The following FAT3 variants were observed in gnomAD, a reference collection of about 807,000 sequenced individuals.
The protein encoded by FAT3 is protocadherin Fat 3.
In FAT3, 95 loss-of-function variants were observed where a neutral mutation model predicts 310.2. That is an observed-to-expected ratio of 0.31 (90% CI 0.26 to 0.36). FAT3 has a LOEUF of 0.36. Among genes scored for constraint, FAT3 ranks in the 10% least tolerant of loss-of-function variants. The probability of loss-of-function intolerance (pLI) is 1.00; values close to 1 mark genes in which losing one functional copy is unlikely to be tolerated. For synonymous variants in FAT3, 2,314 were observed against 2,192.9 expected (o/e 1.06, Z -1.54); for missense variants, 5,408 against 5,715.6 (o/e 0.95, Z 1.74).
intron 4 of FAT3, among the ~76,000 whole-genome samples, chr11:92,737,537 C>CTG (rs1266802127): frequency 6.6e-6 from 1 of 151,286 alleles, no homozygotes; most frequent in East Asian, 1.9e-4. Flanking sequence ...GTGTGTGTGT[C>CTG]TGTGTGTGTG....
At chr11:92,465,144 A>C (rs1182858121) in intron 2 of FAT3, among the ~76,000 whole-genome samples, 1 of 152,146 alleles carries the variant, frequency 6.6e-6, no homozygotes, top group African/African-American at 2.4e-5. Context: ...AAGGAAAAAA[A>C]TTTGCAGTAT....
intron 1 of FAT3, among the ~76,000 whole-genome samples, chr11:92,312,785 A>T (rs767234930): frequency 6.6e-6 from 1 of 152,158 alleles, no homozygotes; most frequent in African/African-American, 2.4e-5. Flanking sequence ...AACCATATCC[A>T]TGGACCTGGA....
intron 3 of FAT3, among the ~76,000 whole-genome samples, chr11:92,582,059 C>G (rs1028005459): frequency 2.6e-5 from 4 of 151,934 alleles, no homozygotes; most frequent in East Asian, 1.9e-4. Context: ...TCATGCCGCC[C>G]TTTTTTAGAC....
chr11:92,286,872 C>T (rs1224498961), intron 1 of FAT3, among the ~76,000 whole-genome samples: 1 of 152,148 alleles, frequency 6.6e-6, no homozygotes, highest in Non-Finnish European at 1.5e-5. Context: ...CCCTCTTGAA[C>T]AAAAGACAGT....
At chr11:92,380,144 CAG>C (rs1949456325) in intron 2 of FAT3, among the ~76,000 whole-genome samples, 2 of 150,244 alleles carry the variant, frequency 1.3e-5, no homozygotes, top group Admixed American at 6.7e-5. Flanking sequence ...CGTTTTATAA[CAG>C]GGATTTTGTG....
rs200535239 is a variant in FAT3 at position 92,800,446 on chromosome 11, G to T, written c.7433G>T (p.Ser2478Ile). ...NVSVSDGLFT[S>I]TAQVHIRVLG... ...TCTGTCTCTGATGGGTTGTTCACCA[G>T]CACTGCACAGGTGCATATTAGGGTA... The change falls in exon 10 of 28, where the codon AGC becomes ATC. Residue 2478 changes from serine to isoleucine, a missense_variant. Physicochemically the swap from Ser to Ile is moderately radical, Grantham distance 142. This residue lies in a region of FAT3 where 4,588 missense variants were observed against 4,809.8 expected (regional missense o/e 0.95). Transcript: ENST00000525166. The T allele has an allele frequency of 1.2e-6, 2 of 1,613,902 alleles. No individual in the cohort carries two copies.
chr11:92,296,349 G>A (rs896612494), intron 1 of FAT3, among the ~76,000 whole-genome samples: 2 of 152,112 alleles, frequency 1.3e-5, no homozygotes, highest in Admixed American at 6.6e-5. Context: ...CCATCTCTGG[G>A]AAGTGGTGGA....
At chr11:92,435,468 A>ATCCTTCCTTCCTTCCTTCCTTCCTTCCT (rs371109407) in intron 2 of FAT3, among the ~76,000 whole-genome samples, 36 of 108,042 alleles carry the variant, frequency 3.3e-4, no homozygotes, top group South Asian at 1.2e-3. Flanking sequence ...TCTTTTATTT[A>ATCCTTCCTTCCTTCCTTCCTTCCTTCCT]TCCTTCCTTC....
intron 3 of FAT3, among the ~76,000 whole-genome samples, chr11:92,602,689 A>G (rs1008516010): frequency 1.3e-5 from 2 of 152,226 alleles, no homozygotes; most frequent in Admixed American, 6.5e-5. Flanking sequence ...GCTTCCTGAA[A>G]GGACTTACCC....
At chr11:92,890,406 T>C (rs1949890490) in intron 27 of FAT3, 85 bp from the exon 28 acceptor site, 1 of 1,467,582 alleles carries the variant, frequency 6.8e-7, no homozygotes, top group Non-Finnish European at 9.1e-7. Flanking sequence ...AAAAATTGCA[T>C]GTCAGGTCCC....
chr11:92,830,402 T>C (rs1017505385), intron 13 of FAT3, among the ~76,000 whole-genome samples: 4 of 152,252 alleles, frequency 2.6e-5, no homozygotes, highest in Admixed American at 6.5e-5. Context: ...GGTACATTTC[T>C]TGAAATCGTA....
chr11:92,749,785 T>G (rs1391876907), intron 4 of FAT3, among the ~76,000 whole-genome samples: 1 of 152,198 alleles, frequency 6.6e-6, no homozygotes, highest in Non-Finnish European at 1.5e-5. Flanking sequence ...TTTACTACAA[T>G]TAATTTTCAA....
rs115763980 is a variant in FAT3, at chr11:92,865,622, T to C, written c.11659-1119T>C. Among the ~76,000 whole-genome samples, 791 of 152,326 alleles carry C rather than the reference T, an allele frequency of 5.2e-3. 2 individuals carry two copies. Among genetic ancestry groups the C allele is most frequent in the African/African-American group, 0.018 (733 of 41,578 alleles). ...GGCTGTGAATCCCTTCATGACCAAA[T>C]GTACACTTGTCTAGACAAGGGTGCA... On this transcript the variant is annotated intron_variant, in intron 21 of 27. Transcript: ENST00000525166.
At chr11:92,574,996 A>C (rs1938398320) in intron 3 of FAT3, among the ~76,000 whole-genome samples, 1 of 152,154 alleles carries the variant, frequency 6.6e-6, no homozygotes, top group African/African-American at 2.4e-5. Flanking sequence ...TTCGGGTCTG[A>C]TGGCTTCAGA....
At chr11:92,585,901 C>G (rs1939123459) in intron 3 of FAT3, among the ~76,000 whole-genome samples, 2 of 151,904 alleles carry the variant, frequency 1.3e-5, no homozygotes. Flanking sequence ...CTCCCTTGCT[C>G]CCTCCTTCCT....
At chr11:92,402,583 A>T (rs1950041708) in intron 2 of FAT3, among the ~76,000 whole-genome samples, 1 of 151,846 alleles carries the variant, frequency 6.6e-6, no homozygotes, top group Non-Finnish European at 1.5e-5. Context: ...ATACAAAAAA[A>T]TTAGCTGGAC....
chr11:92,584,593 T>C (rs1008575150), intron 3 of FAT3, among the ~76,000 whole-genome samples: 15 of 151,450 alleles, frequency 9.9e-5, no homozygotes, highest in Non-Finnish European at 2.1e-4. Flanking sequence ...ACCATCTATT[T>C]TTGAAACAGG....
In FAT3 at chr11:92,882,689, G is replaced by A. The variant is rs778669031; in HGVS notation, c.12282-49G>A. 8.7e-6 allele frequency: 13 copies of A among 1,494,198 alleles called. No homozygotes were observed. The East Asian group carries it at 1.7e-4, about 19-fold the overall frequency. 92.6% of individuals were successfully genotyped at this position (1,494,198 alleles called of 1,614,324 possible). A position where few individuals can be genotyped will look rare whatever the true frequency, so the allele number is the denominator to read the frequency against. ...TTTTCTCGAGTTCCCGTATACCAAC[G>A]TGTGTGCACTGGTCCTGACGGTGGG... On this transcript the variant is annotated intron_variant, in intron 23 of 27. Transcript: ENST00000525166.
chr11:92,334,650 G>A (rs1171850320), intron 1 of FAT3, among the ~76,000 whole-genome samples: 5 of 151,938 alleles, frequency 3.3e-5, no homozygotes, highest in African/African-American at 1.2e-4. Context: ...AGTTAGGAGG[G>A]CACACCCCAC....
Sources: gnomAD v4.1 joint callset for allele counts (sites outside exome capture counted in the v4.1 genomes callset) on GRCh38, gnomAD v4.1.1 for gene constraint, gnomAD v4.1.1 regional missense constraint, MANE v1.5 for transcripts, NCBI Gene and HGNC (gene_info 2026-07-23, HGNC 2026-07-21) for gene names.